ANXA8: variants seen among roughly 807,000 people sequenced by gnomAD.
The protein encoded by ANXA8 is annexin A8, also known as VAC-beta.
Under a neutral mutation model 26.8 loss-of-function variants are expected in ANXA8, and 9 were observed. The ratio of observed to expected loss-of-function variants is 0.34; its 90% confidence interval spans 0.20 to 0.59. The LOEUF (loss-of-function observed/expected upper bound fraction) is 0.59. Among genes scored for constraint, ANXA8 ranks in the 20% least tolerant of loss-of-function variants. The pLI is 0.84. For synonymous variants in ANXA8, 39 were observed against 94.8 expected, an observed-to-expected ratio of 0.41 and a Z score of 3.42; for missense variants, 83 against 238.5, an observed-to-expected ratio of 0.35 and a Z score of 4.29.
At chr10:47,703,078 C>CA in the ANXA8 span, among the ~76,000 whole-genome samples, 1 of 150,594 alleles carries the variant, frequency 6.6e-6, no homozygotes, top group African/African-American at 2.4e-5. Context: ...CCTGAAGGAA[C>CA]ACCTACTGGC....
At chr10:47,948,624 T>C in the ANXA8 span, among the ~76,000 whole-genome samples, 5 of 149,064 alleles carry the variant, frequency 3.4e-5, no homozygotes, top group Non-Finnish European at 7.4e-5. Context: ...AAAATATTCA[T>C]GCAAGTATAT....
At chr10:47,718,396 C>A in the ANXA8 span, among the ~76,000 whole-genome samples, 2 of 130,740 alleles carry the variant, frequency 1.5e-5, no homozygotes, top group Admixed American at 1.6e-4. Context: ...CACTTGTGCC[C>A]AGGGAGGTTG....
chr10:47,605,986 A>G, the ANXA8 span, among the ~76,000 whole-genome samples: 21 of 151,060 alleles, frequency 1.4e-4, 1 homozygote, highest in African/African-American at 4.9e-4. Context: ...CTTCAAAAGT[A>G]TAGTCCCAGA....
chr10:47,658,847 ATTAT>A, the ANXA8 span, among the ~76,000 whole-genome samples: 9,455 of 130,872 alleles, frequency 0.072, 223 homozygotes, highest in East Asian at 0.09. Context: ...TTATTTATTT[ATTAT>A]TTATTTATTT....
chr10:47,660,694 C>T, the ANXA8 span, among the ~76,000 whole-genome samples: 5 of 151,456 alleles, frequency 3.3e-5, no homozygotes, highest in African/African-American at 4.9e-5. Flanking sequence ...AGCCACTGAA[C>T]CTGGCCAAAA....
chr10:47,510,783 T>C, the ANXA8 span, among the ~76,000 whole-genome samples: 1 of 100,044 alleles, frequency 1.0e-5, no homozygotes, highest in Non-Finnish European at 1.8e-5. Flanking sequence ...TGAGCCGAGT[T>C]CGCGCCACTG....
the ANXA8 span, among the ~76,000 whole-genome samples, chr10:47,682,572 C>T: frequency 4.6e-5 from 7 of 150,640 alleles, no homozygotes; most frequent in East Asian, 7.8e-4. Context: ...CGGGTTCAAG[C>T]GATTCTCCTG....
chr10:47,576,707 A>G, the ANXA8 span, among the ~76,000 whole-genome samples: 1 of 150,458 alleles, frequency 6.6e-6, no homozygotes, highest in Non-Finnish European at 1.5e-5. Flanking sequence ...TTTTGGAGAG[A>G]CAAGGTCTCA....
At chr10:47,769,034 A>T in the ANXA8 span, among the ~76,000 whole-genome samples, 1 of 146,320 alleles carries the variant, frequency 6.8e-6, no homozygotes, top group Non-Finnish European at 1.5e-5. Flanking sequence ...GTGTGTGATC[A>T]TCTCAGTCCT....
At chr10:47,492,884 GCT>G in the ANXA8 span, among the ~76,000 whole-genome samples, 1 of 150,290 alleles carries the variant, frequency 6.7e-6, no homozygotes, top group East Asian at 2.1e-4. Flanking sequence ...GGGGTCTGAG[GCT>G]CTCTCCCCAA....
chr10:47,580,758 A>C, the ANXA8 span, among the ~76,000 whole-genome samples: 5,065 of 20,522 alleles, frequency 0.25, 354 homozygotes, highest in African/African-American at 0.42. Context: ...CAAAACAAAA[A>C]AAAAAAACAA....
At chr10:47,617,719 T>A in the ANXA8 span, among the ~76,000 whole-genome samples, 2 of 148,876 alleles carry the variant, frequency 1.3e-5, no homozygotes, top group Non-Finnish European at 2.9e-5. Context: ...AGGTTTTTTA[T>A]AAAATTAATA....
At chr10:47,776,710 A>G in the ANXA8 span, among the ~76,000 whole-genome samples, 2 of 151,832 alleles carry the variant, frequency 1.3e-5, no homozygotes, top group Admixed American at 1.3e-4. Flanking sequence ...CCCCTCTTCT[A>G]AGACCCACAT....
the ANXA8 span, among the ~76,000 whole-genome samples, chr10:47,881,696 C>CGTGT: frequency 3.9e-4 from 25 of 64,880 alleles, no homozygotes; most frequent in East Asian, 1.5e-3. Context: ...TGTGAGCATG[C>CGTGT]GTGTGTGTGT....
the ANXA8 span, among the ~76,000 whole-genome samples, chr10:47,520,838 TAAAAA>T: frequency 6.7e-5 from 6 of 89,348 alleles, 1 homozygote; most frequent in East Asian, 4.6e-4. Context: ...CTCCTTTATT[TAAAAA>T]AAAAAAAAAA....
the ANXA8 span, among the ~76,000 whole-genome samples, chr10:47,954,611 C>T: frequency 4.0e-5 from 6 of 150,738 alleles, no homozygotes; most frequent in African/African-American, 9.8e-5. Context: ...CCTTGTTTAC[C>T]CTGATGTGAT....
At chr10:47,984,998 T>C in the ANXA8 span, among the ~76,000 whole-genome samples, 2 of 145,564 alleles carry the variant, frequency 1.4e-5, no homozygotes, top group African/African-American at 5.2e-5. Flanking sequence ...TTAAAAACTT[T>C]GCCTCTGCAA....
chr10:47,607,627 TA>T, the ANXA8 span, among the ~76,000 whole-genome samples: 2 of 108,726 alleles, frequency 1.8e-5, no homozygotes, highest in African/African-American at 8.4e-5. Context: ...TATTATTTGA[TA>T]TTTTTAAAGA....
the ANXA8 span, among the ~76,000 whole-genome samples, chr10:47,591,434 A>ATT: frequency 3.4e-3 from 205 of 60,216 alleles, 16 homozygotes; most frequent in Non-Finnish European, 4.6e-3. Flanking sequence ...TTCTTTCTGA[A>ATT]TTTTTTTTTT....
Sources: gnomAD v4.1 joint callset for allele counts (sites outside exome capture counted in the v4.1 genomes callset) on GRCh38, gnomAD v4.1.1 for gene constraint, MANE v1.5 for transcripts, NCBI Gene and HGNC (gene_info 2026-07-23, HGNC 2026-07-21) for gene names.